Variants in AMMECR1 observed in about 807,000 individuals in gnomAD.
AMMECR1 encodes nuclear protein AMMECR1.
Under a neutral mutation model 22.5 loss-of-function variants are expected in AMMECR1, and 3 were observed. The ratio of observed to expected loss-of-function variants is 0.13; its 90% CI spans 0.06 to 0.35. AMMECR1 has a LOEUF of 0.35. AMMECR1 is among the 10% of genes least tolerant of loss of function. AMMECR1 has a pLI of 1.00. For missense variants in AMMECR1, 235 were observed against 278.7 expected (o/e 0.84, Z 1.12); for synonymous variants, 130 against 116.7 (o/e 1.11, Z -0.74).
intron 1 of AMMECR1, among the ~76,000 whole-genome samples, chrX:110,428,606 C>A (rs1049630430): frequency 9.0e-6 from 1 of 111,254 alleles, no homozygotes; most frequent in Non-Finnish European, 1.9e-5. Flanking sequence ...ACACTCCCCC[C>A]CTCTCCAAGA....
At chrX:110,361,955 C>A (rs973624445) in intron 2 of AMMECR1, among the ~76,000 whole-genome samples, 1 of 111,589 alleles carries the variant, frequency 9.0e-6, no homozygotes, top group African/African-American at 3.3e-5. Context: ...AAACAGGGAG[C>A]GGGCTAGATT....
chrX:110,420,474 G>T lies in AMMECR1; in HGVS notation c.-148+6184C>A, dbSNP rs978502270. On this transcript the variant is annotated intron_variant, in intron 2 of 7. Coordinates refer to the AMMECR1 transcript ENST00000372057. ...TGCAAGAGGTGCCTCTCACCACAGG[G>T]TACAAGAAGGACTAGCTCTGGCTGG... Among the ~76,000 whole-genome samples, 7 of 112,291 alleles carry T rather than the reference G, an allele frequency of 6.2e-5. No homozygotes were observed. The South Asian group carries it at 1.1e-3, about 18-fold the overall frequency.
At chrX:110,283,230 G>A (rs990988329) in intron 1 of AMMECR1, among the ~76,000 whole-genome samples, 13 of 111,861 alleles carry the variant, frequency 1.2e-4, no homozygotes, top group African/African-American at 4.2e-4. Context: ...CTGGATAACT[G>A]TTCAAAACAT....
intron 2 of AMMECR1, among the ~76,000 whole-genome samples, chrX:110,337,964 C>CA (rs1476094874): frequency 2.7e-5 from 3 of 111,852 alleles, no homozygotes; most frequent in Non-Finnish European, 5.6e-5. Flanking sequence ...AAGCCAGTCA[C>CA]AAAAAGACAA....
At chrX:110,393,738 G>T (rs190283502) in intron 2 of AMMECR1, among the ~76,000 whole-genome samples, 1 of 112,364 alleles carries the variant, frequency 8.9e-6, no homozygotes, top group East Asian at 2.8e-4. Context: ...CGTTAATGGG[G>T]AAAATTTGGT....
chrX:110,380,444 A>G (rs2068411189), intron 2 of AMMECR1, among the ~76,000 whole-genome samples: 1 of 112,114 alleles, frequency 8.9e-6, no homozygotes, highest in Non-Finnish European at 1.9e-5. Context: ...GAGAAATCAG[A>G]GGCAACACAG....
At chrX:110,366,894 G>A (rs960191164) in intron 2 of AMMECR1, among the ~76,000 whole-genome samples, 9 of 111,660 alleles carry the variant, frequency 8.1e-5, no homozygotes, top group Non-Finnish European at 1.7e-4. Flanking sequence ...GCTCCTGGGT[G>A]GCTTTTTTAC....
chrX:110,394,479 T>C (rs1477946108), intron 2 of AMMECR1, among the ~76,000 whole-genome samples: 1 of 112,533 alleles, frequency 8.9e-6, no homozygotes, highest in Non-Finnish European at 1.9e-5. Flanking sequence ...TATTTGGATC[T>C]TTATTTAGAA....
chrX:110,358,438 T>C (rs947420891), intron 2 of AMMECR1, among the ~76,000 whole-genome samples: 4 of 111,169 alleles, frequency 3.6e-5, no homozygotes, highest in African/African-American at 1.3e-4. Flanking sequence ...GCTTACCACA[T>C]GCCAGGCCCT....
chrX:110,310,249 G>A (rs1368763301), intron 1 of AMMECR1, among the ~76,000 whole-genome samples: 1 of 111,856 alleles, frequency 8.9e-6, no homozygotes, highest in African/African-American at 3.3e-5. Context: ...CCAACCATTT[G>A]TTTCTTCCCA....
Position 110,205,207 on chromosome X carries a change from A to G in AMMECR1, c.700-2671T>C, listed in dbSNP as rs146234833. ...TTACTCCTAGAACCACAAGCCACTAAATAGTCATACTGAACAATCAAAACA... is the reference window on the plus strand; with the variant it reads ...TTACTCCTAGAACCACAAGCCACTAGATAGTCATACTGAACAATCAAAACA... On this transcript the variant is annotated intron_variant, in intron 3 of 5. Coordinates refer to ENST00000262844, the MANE Select transcript of AMMECR1 (RefSeq NM_015365.3). 6.7e-3 allele frequency among the ~76,000 whole-genome samples: 749 copies of G among 111,852 alleles called. 8 individuals are homozygous for G. Among genetic ancestry groups the G allele is most frequent in the African/African-American group, 0.024 (727 of 30,810 alleles).
At chrX:110,212,311 CA>C (rs2067451499) in intron 3 of AMMECR1, among the ~76,000 whole-genome samples, 1 of 111,839 alleles carries the variant, frequency 8.9e-6, no homozygotes, top group Non-Finnish European at 1.9e-5. Flanking sequence ...CTCATGACCA[CA>C]GGGATATCTG....
chrX:110,409,418 T>C (rs1423932416), intron 2 of AMMECR1, among the ~76,000 whole-genome samples: 1 of 111,759 alleles, frequency 8.9e-6, no homozygotes, highest in Non-Finnish European at 1.9e-5. Flanking sequence ...CTGGTATCAA[T>C]CGTAGGGGCC....
intron 2 of AMMECR1, among the ~76,000 whole-genome samples, chrX:110,344,505 A>T (rs1459183269): frequency 9.0e-6 from 1 of 111,665 alleles, no homozygotes; most frequent in African/African-American, 3.3e-5. Flanking sequence ...GGATCTAATT[A>T]AACTAAAGAG....
chrX:110,423,338 AAAAG>A (rs375907548), intron 2 of AMMECR1, among the ~76,000 whole-genome samples: 174 of 110,471 alleles, frequency 1.6e-3, no homozygotes, highest in African/African-American at 5.4e-3. Flanking sequence ...CAAAAAAAAA[AAAAG>A]AAAAAGAAAA....
chrX:110,244,684 T>C (rs1206557205), intron 2 of AMMECR1, among the ~76,000 whole-genome samples: 1 of 112,186 alleles, frequency 8.9e-6, no homozygotes, highest in Non-Finnish European at 1.9e-5. Flanking sequence ...AGCTGCATAG[T>C]ACCTAGTACA....
intron 1 of AMMECR1, among the ~76,000 whole-genome samples, chrX:110,306,097 C>T (rs982924419): frequency 7.2e-5 from 8 of 110,727 alleles, no homozygotes; most frequent in Non-Finnish European, 1.1e-4. Flanking sequence ...CTGGCTAACA[C>T]GGTGAAACCC....
At chrX:110,342,621 T>C (rs921297313) in intron 2 of AMMECR1, among the ~76,000 whole-genome samples, 1 of 111,668 alleles carries the variant, frequency 9.0e-6, no homozygotes, top group Non-Finnish European at 1.9e-5. Context: ...CTGCTTGCCT[T>C]GGCCTCCCAA....
At chrX:110,361,688 C>T (rs1489138848) in intron 2 of AMMECR1, among the ~76,000 whole-genome samples, 1 of 112,412 alleles carries the variant, frequency 8.9e-6, no homozygotes, top group Non-Finnish European at 1.9e-5. Flanking sequence ...TCGCCATTCT[C>T]TATCTGCCTT....
Sources: allele counts gnomAD v4.1 joint callset (sites outside exome capture counted in the v4.1 genomes callset), GRCh38; gene constraint gnomAD v4.1.1; transcripts MANE v1.5; gene names NCBI Gene and HGNC (gene_info 2026-07-23, HGNC 2026-07-21).